TLCD3B: variants seen among roughly 807,000 people sequenced by gnomAD.
TLCD3B encodes the protein ceramide synthase.
A neutral mutation model predicts 23.0 loss-of-function variants in TLCD3B; 9 were observed. The observed-to-expected ratio is 0.39, with a 90% CI of 0.24 to 0.68. The LOEUF (loss-of-function observed/expected upper bound fraction) is 0.68. TLCD3B is among the 30% of genes least tolerant of loss of function. The pLI, the probability that TLCD3B is intolerant of heterozygous loss-of-function variation, is 0.44. For synonymous variants in TLCD3B, 161 were observed against 161.0 expected, an observed-to-expected ratio of 1.00 and a Z score of 0.00; for missense variants, 307 against 371.8, an observed-to-expected ratio of 0.83 and a Z score of 1.43.
chr16:30,030,271 G>A (rs1241774752), intron 1 of TLCD3B, 132 bp downstream of exon 1: 4 of 1,159,708 alleles, frequency 3.4e-6, no homozygotes, highest in East Asian at 2.4e-5. Flanking sequence ...GGAAGCCTGG[G>A]GGTAAAGCCC....
At chr16:30,044,285 A>G (rs1309507434) in intron 2 of TLCD3B, among the ~76,000 whole-genome samples, 1 of 151,082 alleles carries the variant, frequency 6.6e-6, no homozygotes, top group Admixed American at 6.6e-5. Flanking sequence ...GGCATGAGCC[A>G]CAGTGCTAAA....
At chr16:30,026,979 G>A (rs1377533332) in intron 2 of TLCD3B, 136 bp from the exon 3 acceptor site, 4 of 764,332 alleles carry the variant, frequency 5.2e-6, no homozygotes, top group African/African-American at 5.1e-5. Context: ...CCAGAGGGTA[G>A]AGGGTGAGAA....
At chr16:30,027,193 A>G (rs1364019951) in intron 2 of TLCD3B, 1 of 470,694 alleles carries the variant, frequency 2.1e-6, no homozygotes, top group South Asian at 1.5e-5. Context: ...TGCCATGGTT[A>G]TTTGTCCTAA....
chr16:30,033,534 A>G (rs1567304015), upstream of TLCD3B: 1 of 152,174 alleles, frequency 6.6e-6, no homozygotes, highest in Non-Finnish European at 1.5e-5. Flanking sequence ...TTTTATGGTA[A>G]GCTTTGTCAC....
rs2070996702 is a variant in TLCD3B at position 30,024,447 on chromosome 16, T to G, written c.*736A>C. On this transcript the variant is annotated 3_prime_UTR_variant, in exon 5 of 5. Transcript: ENST00000380495. Reference sequence around the variant, plus strand: ...CTTGGTGGCGTTCACGCAGATCGTCTTTTATTAGCGGTCTGTAAAGCACCT... The same window carrying G: ...CTTGGTGGCGTTCACGCAGATCGTCGTTTATTAGCGGTCTGTAAAGCACCT... The G allele has an allele frequency of 1.5e-6, 1 of 648,426 alleles. No individual in the cohort carries two copies. The highest frequency in any genetic ancestry group is 1.8e-5 in the African/African-American group (1 of 54,782). 40.2% of individuals were successfully genotyped at this position (648,426 alleles called of 1,614,324 possible).
At position 30,030,863 on chromosome 16, in the gene TLCD3B, G is replaced by A; in HGVS notation, c.-336C>T. On this transcript the variant is annotated 5_prime_UTR_variant, in exon 1 of 5. Coordinates refer to ENST00000380495, the MANE Select transcript of TLCD3B (RefSeq NM_031478.6). ...GACAGGAGGAGGAGGATGCGGATGG[G>A]GGAGGGGAGGGAGCCACCAGGCAGG... The A allele has an allele frequency of 1.1e-6, 1 of 893,730 alleles. No homozygotes were observed. The highest frequency in any genetic ancestry group is 5.2e-5 in the South Asian group (1 of 19,104). 55.4% of individuals were successfully genotyped at this position (893,730 alleles called of 1,614,324 possible).
intron 2 of TLCD3B, among the ~76,000 whole-genome samples, chr16:30,044,948 C>T (rs1377385468): frequency 4.6e-5 from 7 of 151,716 alleles, no homozygotes; most frequent in African/African-American, 1.2e-4. Flanking sequence ...TAAAAATTAG[C>T]CGGGCGTGGT....
chr16:30,026,838 C>A lies in TLCD3B; in HGVS notation c.215G>T (p.Trp72Leu), dbSNP rs1175970716. ...AAATTGCGTGTAGGCAGAGGACAGC[C>A]AGTGTCTGTTGGGCAGAGAGACGGG... Reference protein sequence around the residue: ...SCKHIIDDQHWLSSAYTQFAV... With the variant: ...SCKHIIDDQHLLSSAYTQFAV... Residue 72 changes from tryptophan to leucine, a missense_variant, in exon 3 of 5, where the codon TGG (tryptophan) becomes TTG (leucine). Physicochemically the swap from Trp to Leu is moderately conservative, Grantham distance 61. Transcript: ENST00000380495. 6.2e-7 allele frequency: 1 copy of A among 1,613,780 alleles called. No homozygotes were observed. Among genetic ancestry groups the A allele is most frequent in the Admixed American group, 1.7e-5 (1 of 59,964 alleles).
intron 3 of TLCD3B, among the ~76,000 whole-genome samples, chr16:30,040,292 G>A (rs1389933631): frequency 6.6e-6 from 1 of 151,740 alleles, no homozygotes; most frequent in Non-Finnish European, 1.5e-5. Context: ...TACTTCACAC[G>A]GTAGCCAGTA....
At chr16:30,026,304 C>T (rs368741590) in intron 3 of TLCD3B, among the ~76,000 whole-genome samples, 5 of 152,102 alleles carry the variant, frequency 3.3e-5, no homozygotes, top group South Asian at 4.1e-4. Context: ...ATCCCTCTCA[C>T]GGTCCTGCAG....
At chr16:30,035,205 C>A, upstream of TLCD3B, 1 of 959,564 alleles carries the variant, frequency 1.0e-6, no homozygotes, top group Non-Finnish European at 1.4e-6. Context: ...AGCCACCACG[C>A]CCAGCCTGCT....
At position 30,025,761 on chromosome 16, in the gene TLCD3B, T is replaced by G; in HGVS notation, c.505A>C (p.Thr169Pro). 6.2e-7 allele frequency: 1 copy of G among 1,614,114 alleles called. No homozygotes were observed. Among genetic ancestry groups the G allele is most frequent in the East Asian group, 2.2e-5 (1 of 44,878 alleles). Reference protein sequence around the residue: ...LGCMLMAEVSTPFVCLGKILI... With the variant: ...LGCMLMAEVSPPFVCLGKILI... ...ATCTTGCCAAGGCAGACGAAGGGCGTGCTGACCTCTGCCATCAACATGCAA... is the reference window on the plus strand; with the variant it reads ...ATCTTGCCAAGGCAGACGAAGGGCGGGCTGACCTCTGCCATCAACATGCAA... Residue 169 changes from threonine (T) to proline (P), a missense_variant, in exon 4 of 5, where the codon ACG becomes CCG. Coordinates refer to ENST00000380495, the MANE Select transcript of TLCD3B (RefSeq NM_031478.6). This position sits in a 1 kb window ranked among gnomAD's most constrained non-coding sequence, Gnocchi z 4.1.
chr16:30,029,596 G>A lies in TLCD3B; in HGVS notation c.126-81C>T, dbSNP rs2071289933. On this transcript the variant is annotated intron_variant, in intron 1 of 4. Transcript: ENST00000380495. The surrounding 1 kb of genome is among the most constrained non-coding windows in gnomAD (Gnocchi z 4.6). Reference sequence around the variant, plus strand: ...GATTTCTCCTCGTTGCTAGTCTAACGACTGCGCTTTGCGTTCAGCCACTTC... The same window carrying A: ...GATTTCTCCTCGTTGCTAGTCTAACAACTGCGCTTTGCGTTCAGCCACTTC... The A allele has an allele frequency of 1.4e-5, 17 of 1,235,048 alleles. No homozygotes were observed. The highest frequency in any genetic ancestry group is 7.6e-5 in the South Asian group (6 of 78,788). The allele number at this position is 1,235,048 out of a possible 1,614,324, so 76.5% of individuals were successfully genotyped here. A position where few individuals can be genotyped will look rare whatever the true frequency, so the allele number is the denominator to read the frequency against.
At position 30,029,420 on chromosome 16, in the gene TLCD3B, C is replaced by T. The variant is rs769002339; in HGVS notation, c.209+12G>A. Reference sequence around the variant, plus strand: ...CTGGCACCTGGGCAGGGGGGTGTCTCGCAGCACTTACTGGTCATCAATGAT... The same window carrying T: ...CTGGCACCTGGGCAGGGGGGTGTCTTGCAGCACTTACTGGTCATCAATGAT... On this transcript the variant is annotated intron_variant, in intron 2 of 4. Coordinates refer to ENST00000380495, the MANE Select transcript of TLCD3B (RefSeq NM_031478.6). This position sits in a 1 kb window ranked among gnomAD's most constrained non-coding sequence, Gnocchi z 4.6. The T allele has an allele frequency of 2.5e-6, 4 of 1,612,796 alleles. No homozygotes were observed. Among genetic ancestry groups the T allele is most frequent in the East Asian group, 2.2e-5 (1 of 44,866 alleles).
Position 30,050,492 on chromosome 16 carries a change from T to C in TLCD3B, c.-294+2282A>G, listed in dbSNP as rs180674339. The stretch of plus-strand genomic sequence containing the variant: ...AGGTCGAGGCTGTTGTGGTGAGCCA[T>C]GATTGTGCCATTGCACTCCAGCCTG... On this transcript the variant is annotated intron_variant, in intron 1 of 6. Coordinates refer to the TLCD3B transcript ENST00000561666. Among the ~76,000 whole-genome samples, 116 of 152,190 alleles carry C rather than the reference T, an allele frequency of 7.6e-4. 1 individual carries two copies. Among genetic ancestry groups the C allele is most frequent in the African/African-American group, 2.8e-3 (116 of 41,524 alleles).
chr16:30,048,833 C>G (rs576753709), intron 1 of TLCD3B, among the ~76,000 whole-genome samples: 1 of 151,914 alleles, frequency 6.6e-6, no homozygotes, highest in African/African-American at 2.4e-5. Context: ...TGCAGTGGTG[C>G]GATCTTGGCT....
chr16:30,037,641 T>G (rs55680039), intron 3 of TLCD3B, among the ~76,000 whole-genome samples: 3,976 of 151,276 alleles, frequency 0.026, 98 homozygotes, highest in Non-Finnish European at 0.039. Context: ...GGCGAAAGAA[T>G]GGAAAGAATT....
In TLCD3B at chr16:30,024,544, G is replaced by A. The variant is rs964516626; in HGVS notation, c.*639C>T. On this transcript the variant is annotated 3_prime_UTR_variant, in exon 5 of 5. Transcript: ENST00000380495. ...TAGCACCAGGGACATGGCAGGGCCC[G>A]AGGGCGCGATGTGCAGCCGATGGTG... The A allele has an allele frequency of 3.0e-5, 13 of 427,898 alleles. No homozygotes were observed. The East Asian group carries it at 3.1e-4, about 10-fold the overall frequency. 26.5% of individuals were successfully genotyped at this position (427,898 alleles called of 1,614,324 possible). A position where few individuals can be genotyped will look rare whatever the true frequency, so the allele number is the denominator to read the frequency against.
intron 1 of TLCD3B, among the ~76,000 whole-genome samples, chr16:30,047,019 G>C (rs548513079): frequency 1.3e-5 from 2 of 152,256 alleles, no homozygotes; most frequent in African/African-American, 2.4e-5. Flanking sequence ...GGAGTGCAGT[G>C]GCATGATCAT....
Sources: allele counts gnomAD v4.1 joint callset (sites outside exome capture counted in the v4.1 genomes callset), GRCh38; gene constraint gnomAD v4.1.1; non-coding constraint Gnocchi (gnomAD v3.1); transcripts MANE v1.5; gene names NCBI Gene and HGNC (gene_info 2026-07-23, HGNC 2026-07-21).